The following NBAS variants were observed in gnomAD, a reference collection of about 807,000 sequenced individuals.
The protein encoded by NBAS is NAG/BC035112 fusion.
A neutral mutation model predicts 302.5 loss-of-function variants in NBAS; 219 were observed. The ratio of observed to expected loss-of-function variants is 0.72; its 90% CI spans 0.65 to 0.81. NBAS has a LOEUF of 0.81. Ranked by LOEUF, NBAS falls within the 30% of genes least tolerant of loss-of-function variation. The pLI, the probability that NBAS is intolerant of heterozygous loss-of-function variation, is 0.00. For synonymous variants in NBAS, 1,118 were observed against 1,021.6 expected (o/e 1.09, Z -1.80); for missense variants, 2,932 against 2,841.6 (o/e 1.03, Z -0.72).
chr2:15,358,919 T>C (rs1230931370), intron 32 of NBAS, among the ~76,000 whole-genome samples: 2 of 152,226 alleles, frequency 1.3e-5, no homozygotes, highest in African/African-American at 2.4e-5. Context: ...GCATGCGGGT[T>C]ATTTCAAAGT....
the NBAS span, among the ~76,000 whole-genome samples, chr2:15,008,178 G>A: frequency 2.0e-5 from 3 of 152,178 alleles, no homozygotes; most frequent in East Asian, 5.8e-4. Context: ...GCCTTCAGCA[G>A]TGGCAATGCC....
the NBAS span, among the ~76,000 whole-genome samples, chr2:14,975,344 T>C: frequency 6.6e-6 from 1 of 152,196 alleles, no homozygotes; most frequent in South Asian, 2.1e-4. Context: ...TAATATGAAG[T>C]CACTGCCTCT....
At chr2:14,801,740 G>T in the NBAS span, among the ~76,000 whole-genome samples, 1 of 151,848 alleles carries the variant, frequency 6.6e-6, no homozygotes, top group African/African-American at 2.4e-5. Flanking sequence ...ATCACATTTT[G>T]TATTCCTATA....
At chr2:14,832,231 G>A in the NBAS span, among the ~76,000 whole-genome samples, 1 of 152,132 alleles carries the variant, frequency 6.6e-6, no homozygotes, top group South Asian at 2.1e-4. Context: ...AACAGAGAAG[G>A]AGCACCTGGC....
rs755250142 is a variant in NBAS, at chr2:15,468,463, G to A, written c.1796C>T (p.Ala599Val). 1 of 1,613,992 alleles carries A rather than the reference G, an allele frequency of 6.2e-7. No individual in the cohort carries two copies. The highest frequency in any genetic ancestry group is 2.2e-5 in the East Asian group (1 of 44,868). Residue 599 changes from alanine to valine, a missense_variant, in exon 17 of 52, where the codon GCA becomes GTA. By Grantham distance (64) the Ala-to-Val change is moderately conservative. Transcript: ENST00000281513. ...TAATCCATACTGAAGCAGTTCTTTT[G>A]CAGCATCCACATTTTCAGGAACTCT... Reference protein sequence around the residue: ...LERVPENVDAAKELLQYGLKG... With the variant: ...LERVPENVDAVKELLQYGLKG...
At chr2:14,884,022 C>CTT in the NBAS span, among the ~76,000 whole-genome samples, 1 of 151,508 alleles carries the variant, frequency 6.6e-6, no homozygotes, top group Non-Finnish European at 1.5e-5. Flanking sequence ...AGGTAAGGAA[C>CTT]TTAAATACAA....
intron 9 of NBAS, among the ~76,000 whole-genome samples, chr2:15,531,806 C>G (rs1369064824): frequency 6.6e-6 from 1 of 152,190 alleles, no homozygotes; most frequent in Non-Finnish European, 1.5e-5. Context: ...AATACCCTCA[C>G]CTATTCCAAG....
In NBAS at chr2:15,178,997, T is replaced by G; in HGVS notation, c.6831A>C (p.Ala2277=). 2 of 1,613,438 alleles carry G rather than the reference T, an allele frequency of 1.2e-6. No homozygotes were observed. Among genetic ancestry groups the G allele is most frequent in the Middle Eastern group, 1.7e-4 (1 of 6,056 alleles). Reference sequence around the variant, plus strand: ...ATTCAACTGGGCATACCGTAGTGACTGCCGTGATTTGCTCCAGTGCCATCT... The same window carrying G: ...ATTCAACTGGGCATACCGTAGTGACGGCCGTGATTTGCTCCAGTGCCATCT... ...LHEMALEQIT[A]VTTVNDSNCD... is the part of the protein sequence containing the mutation. The change falls in exon 51 of 52, where the codon GCA becomes GCC. Residue 2277 remains alanine (A), a synonymous_variant. Coordinates refer to ENST00000281513, the MANE Select transcript of NBAS (RefSeq NM_015909.4).
At chr2:15,554,018 A>G in intron 4 of NBAS, 43 bp downstream of exon 4, 3 of 1,523,272 alleles carry the variant, frequency 2.0e-6, no homozygotes, top group Non-Finnish European at 2.7e-6. Context: ...GAAATGTAAA[A>G]GCTAATCCAG....
At chr2:15,020,281 G>A in the NBAS span, among the ~76,000 whole-genome samples, 2 of 152,198 alleles carry the variant, frequency 1.3e-5, no homozygotes, top group Non-Finnish European at 1.5e-5. Context: ...AAGAACAGGT[G>A]CATAGAATTT....
the NBAS span, among the ~76,000 whole-genome samples, chr2:14,780,825 A>C: frequency 6.6e-6 from 1 of 152,186 alleles, no homozygotes; most frequent in African/African-American, 2.4e-5. Flanking sequence ...TTCCTCCAAT[A>C]GACTTGGAGC....
chr2:14,810,560 C>G, the NBAS span, among the ~76,000 whole-genome samples: 1 of 152,144 alleles, frequency 6.6e-6, no homozygotes, highest in South Asian at 2.1e-4. Flanking sequence ...GTAAATTGCT[C>G]GGTCTTGGGC....
Position 15,319,574 on chromosome 2 carries a change from G to A in NBAS, c.4582+8176C>T, listed in dbSNP as rs561995555. 7.6e-4 allele frequency among the ~76,000 whole-genome samples: 115 copies of A among 152,102 alleles called. 1 individual carries two copies. The highest frequency in any genetic ancestry group is 6.2e-4 in the Non-Finnish European group (42 of 67,990). On this transcript the variant is annotated intron_variant, in intron 38 of 51. Coordinates refer to ENST00000281513, the MANE Select transcript of NBAS (RefSeq NM_015909.4). ...AAATGATAAAGGGGATATCACCACC[G>A]ATCCCACAGAAATACAAACAACCAC...
chr2:15,553,499 A>G (rs1664479913), intron 4 of NBAS, 26 bp from the exon 5 acceptor site: 1 of 1,591,348 alleles, frequency 6.3e-7, no homozygotes, highest in Admixed American at 1.7e-5. Flanking sequence ...AAGAGGGGGA[A>G]GAAAATCTAT....
chr2:14,894,817 G>A, the NBAS span, among the ~76,000 whole-genome samples: 2 of 152,152 alleles, frequency 1.3e-5, no homozygotes, highest in Non-Finnish European at 2.9e-5. Context: ...CCAGCACTTT[G>A]GGAGGCTGAG....
At position 15,167,152 on chromosome 2, in the gene NBAS, C is replaced by T. The variant is rs574569326; in HGVS notation, c.7012G>A (p.Gly2338Ser). Residue 2338 changes from glycine to serine, a missense_variant, in exon 52 of 52, where the codon GGC becomes AGC. Transcript: ENST00000281513. ...EELGRHLREA[G>S]HEAEAGSLLL... ...AGAGACCCGGCTTCGGCTTCATGGC[C>T]GGCCTCCCGCAGGTGTCTGCCCAGC... 5.0e-5 allele frequency: 80 copies of T among 1,614,244 alleles called. No individual in the cohort carries two copies. The highest frequency in any genetic ancestry group is 4.8e-4 in the South Asian group (44 of 91,092).
intron 42 of NBAS, among the ~76,000 whole-genome samples, chr2:15,284,824 A>G (rs976542910): frequency 6.6e-6 from 1 of 152,220 alleles, no homozygotes. Flanking sequence ...TCAATATTAA[A>G]TGCTTTGCCA....
At chr2:15,261,035 T>C (rs1003876860) in intron 44 of NBAS, among the ~76,000 whole-genome samples, 2 of 152,198 alleles carry the variant, frequency 1.3e-5, no homozygotes, top group African/African-American at 4.8e-5. Flanking sequence ...AAAGCACCTG[T>C]AAATCTGCTC....
At chr2:14,917,906 T>A in the NBAS span, among the ~76,000 whole-genome samples, 1 of 152,156 alleles carries the variant, frequency 6.6e-6, no homozygotes, top group Non-Finnish European at 1.5e-5. Flanking sequence ...TTTCTCCCTA[T>A]CTGTCCACAA....
Sources: allele counts gnomAD v4.1 joint callset (sites outside exome capture counted in the v4.1 genomes callset), GRCh38; gene constraint gnomAD v4.1.1; transcripts MANE v1.5; gene names NCBI Gene and HGNC (gene_info 2026-07-23, HGNC 2026-07-21).